MICAL1: variants seen among roughly 807,000 people sequenced by gnomAD.
MICAL1 encodes microtubule associated monooxygenase, calponin and LIM domain containing 1, also known as [F-actin]-monooxygenase MICAL1.
A neutral mutation model predicts 131.8 loss-of-function variants in MICAL1; 95 were observed. The observed-to-expected ratio is 0.72, with a 90% CI of 0.61 to 0.86. MICAL1 has a LOEUF of 0.86. Among genes scored for constraint, MICAL1 ranks in the 40% least tolerant of loss-of-function variants. MICAL1 has a pLI of 0.00. For missense variants in MICAL1, 1,292 were observed against 1,380.6 expected (o/e 0.94, Z 1.02); for synonymous variants, 546 against 554.2 (o/e 0.99, Z 0.21).
rs1775572320 is a variant in MICAL1, at chr6:109,452,255, T to C, written c.823A>G (p.Lys275Glu). ...CAAGAGGGTCCCTGACCTGTGGCTT[T>C]GAGAAGGCTCTGGAAGAAGCTCTGG... ...YNQSFFQSLL[K>E]ATGIDLENIV... Residue 275 changes from lysine to glutamate, a missense_variant, in exon 6 of 25, where the codon AAA (lysine) becomes GAA (glutamate). Physicochemically the swap from Lys to Glu is moderately conservative, Grantham distance 56 (BLOSUM62 1). Transcript: ENST00000358807. The C allele has an allele frequency of 9.9e-6, 16 of 1,612,956 alleles. No homozygotes were observed. The highest frequency in any genetic ancestry group is 1.4e-5 in the Non-Finnish European group (16 of 1,179,304).
rs770905249 is a variant in MICAL1, at chr6:109,452,576, G to C, written c.611C>G (p.Ala204Gly). Residue 204 changes from alanine to glycine, a missense_variant, in exon 5 of 25, where the codon GCC becomes GGC. Transcript: ENST00000358807. ...WRAQLQPNPP[A>G]QLANYEFDVL... ...GTCAAATTCATAGTTGGCCAGCTGG[G>C]CAGGGGGGTTGGGTTGGAGCTGGGC... 2 of 1,613,496 alleles carry C rather than the reference G, an allele frequency of 1.2e-6. No individual in the cohort carries two copies. The highest frequency in any genetic ancestry group is 2.7e-5 in the African/African-American group (2 of 74,910).
chr6:109,452,076 C>G (rs551129677), intron 6 of MICAL1, 170 bp downstream of exon 6: 1 of 1,426,164 alleles, frequency 7.0e-7, no homozygotes, highest in Non-Finnish European at 9.1e-7. Context: ...TCAACTAGGG[C>G]TGTGCTTGCT....
chr6:109,465,542 A>T, intron 1 of MICAL1: 2 of 1,100,778 alleles, frequency 1.8e-6, no homozygotes, highest in Non-Finnish European at 2.6e-6. Flanking sequence ...GTGAACATTT[A>T]AACCTTACAG....
In MICAL1 at chr6:109,465,920, C is replaced by G. The variant is rs2115352900; in HGVS notation, c.-243G>C. On this transcript the variant is annotated 5_prime_UTR_variant, in exon 1 of 25. Coordinates refer to the MICAL1 transcript ENST00000630715. ...GAGTGGGTGGTGGCGGACCAGGCTC[C>G]TGTGTCAGCTGCAGGTGCTGAGCTG... is the stretch of plus-strand genomic sequence containing the variant. The G allele has an allele frequency of 3.7e-6, 6 of 1,614,200 alleles. No individual in the cohort carries two copies. Among genetic ancestry groups the G allele is most frequent in the Non-Finnish European group, 5.1e-6 (6 of 1,180,036 alleles).
intron 3 of MICAL1, 70 bp downstream of exon 3, chr6:109,453,568 A>G: frequency 6.5e-7 from 1 of 1,532,146 alleles, no homozygotes; most frequent in Non-Finnish European, 8.8e-7. Context: ...TGGCTGTCCC[A>G]GCATTTCCCC....
chr6:109,453,536 G>C, intron 3 of MICAL1, 102 bp downstream of exon 3: 1 of 1,512,178 alleles, frequency 6.6e-7, no homozygotes, highest in South Asian at 1.2e-5. Context: ...TGGCTGATAC[G>C]GATCTTGTCC....
At chr6:109,446,632 T>C in intron 18 of MICAL1, 64 bp downstream of exon 18, 1 of 1,547,406 alleles carries the variant, frequency 6.5e-7, no homozygotes, top group Non-Finnish European at 8.9e-7. Context: ...AGCAAAGCGC[T>C]GGTTTGACGA....
Position 109,453,697 on chromosome 6 carries a change from C to T in MICAL1, c.407G>A (p.Arg136Gln), listed in dbSNP as rs769284182. 26 of 1,613,880 alleles carry T rather than the reference C, an allele frequency of 1.6e-5. No individual in the cohort carries two copies. The South Asian group carries it at 1.6e-4, about 10-fold the overall frequency. ...GTAGAACTTCTTAGCACCGAGTGCC[C>T]GCAGGTCGTGGATGGTGAAGGGCCA... ...HLWPFTIHDL[R>Q]ALGAKKFYGR... The change falls in exon 3 of 25, where the codon CGG (arginine) becomes CAG (glutamine). Residue 136 changes from arginine to glutamine, a missense_variant. Coordinates refer to ENST00000358807, the MANE Select transcript of MICAL1 (RefSeq NM_022765.4).
In MICAL1 at chr6:109,445,524, C is replaced by G; in HGVS notation, c.2679G>C (p.Leu893=). The G allele has an allele frequency of 6.2e-7, 1 of 1,614,102 alleles. No individual in the cohort carries two copies. Among genetic ancestry groups the G allele is most frequent in the Non-Finnish European group, 8.5e-7 (1 of 1,180,034 alleles). ...VPLDSDVEQA[L]QTFAKTSGTM... ...TGCCTGAGGTCTTGGCAAAGGTCTG[C>G]AGGGCCTATAGGAGGGTCAGGCCAG... The change falls in exon 21 of 25, where the codon CTG becomes CTC. Residue 893 remains leucine, a synonymous_variant. Coordinates refer to ENST00000358807, the MANE Select transcript of MICAL1 (RefSeq NM_022765.4).
intron 4 of MICAL1, among the ~76,000 whole-genome samples, chr6:109,452,847 A>C (rs1775600938): frequency 6.6e-6 from 1 of 152,198 alleles, no homozygotes; most frequent in South Asian, 2.1e-4. Flanking sequence ...GGCTTGCCCA[A>C]GGCCACACTA....
Position 109,451,666 on chromosome 6 carries a change from G to C in MICAL1, c.867C>G (p.Asp289Glu), listed in dbSNP as rs748032265. The C allele has an allele frequency of 6.8e-6, 11 of 1,614,052 alleles. No individual in the cohort carries two copies. The South Asian group carries it at 9.9e-5, about 14-fold the overall frequency. Residue 289 changes from aspartate to glutamate, a missense_variant, in exon 7 of 25, where the codon GAC (aspartate) becomes GAG (glutamate). Asp to Glu is a conservative substitution (Grantham distance 45). Transcript: ENST00000358807. ...IDLENIVYYKDDTHYFVMTAK... is the reference protein window; with the variant it reads ...IDLENIVYYKEDTHYFVMTAK... ...CTGTCATCACAAAGTAGTGGGTGTC[G>C]TCCTTGTAGTACACAATGTTCTCCA...
chr6:109,453,430 T>C (rs958417890), intron 3 of MICAL1, 63 bp from the exon 4 acceptor site: 22 of 1,558,282 alleles, frequency 1.4e-5, no homozygotes, highest in South Asian at 2.2e-5. Context: ...CATGTACCAG[T>C]GTGTGCCTGG....
In MICAL1 at chr6:109,450,318, C is replaced by G. The variant is rs1398285421; in HGVS notation, c.1173G>C (p.Val391=). 3.7e-6 allele frequency: 6 copies of G among 1,608,200 alleles called. No homozygotes were observed. Among genetic ancestry groups the G allele is most frequent in the Admixed American group, 1.7e-5 (1 of 59,902 alleles). The part of the protein sequence containing the change: ...KHGARLLLGL[V]GDCLVEPFWP... ...CCCTCACCTCCACCAGGCAGTCCCC[C>G]ACCAGTCCCAGCAGCAGGCGGGCGC... The change falls in exon 8 of 25, where the codon GTG becomes GTC. Residue 391 remains valine (V), a synonymous_variant. Coordinates refer to ENST00000358807, the MANE Select transcript of MICAL1 (RefSeq NM_022765.4).
In MICAL1 at chr6:109,449,729, A is replaced by G. The variant is rs201443141; in HGVS notation, c.1362T>C (p.Asn454=). The change falls in exon 10 of 25, where the codon AAT becomes AAC. Residue 454 remains asparagine, a synonymous_variant. Transcript: ENST00000358807. The part of the protein sequence containing the change: ...SQTSPENMHR[N]VAQYGLDPAT... The stretch of plus-strand genomic sequence containing the variant: ...CTGGGTCCAGCCCATACTGGGCCAC[A>G]TTGCGATGCATGTTTTCTGGGGATG... The G allele has an allele frequency of 6.2e-7, 1 of 1,604,010 alleles. No homozygotes were observed. Among genetic ancestry groups the G allele is most frequent in the African/African-American group, 1.3e-5 (1 of 74,834 alleles).
Position 109,453,773 on chromosome 6 carries a change from C to A in MICAL1, c.331G>T (p.Val111Leu). Residue 111 changes from valine to leucine, a missense_variant, in exon 3 of 25, where the codon GTG becomes TTG. Transcript: ENST00000358807. ...VELALLGARV[V>L]LVEKRTKFSR... ...AACTTGGTGCGCTTTTCCACCAGCA[C>A]CACTCGGGCCCCCAGCAGCGCCAGC... 6.2e-7 allele frequency: 1 copy of A among 1,613,696 alleles called. No individual in the cohort carries two copies. The highest frequency in any genetic ancestry group is 8.5e-7 in the Non-Finnish European group (1 of 1,180,008).
upstream of MICAL1, chr6:109,456,119 C>T (rs1476842347): frequency 4.4e-6 from 3 of 678,728 alleles, no homozygotes; most frequent in South Asian, 6.6e-5. Flanking sequence ...AGTGCTGGAC[C>T]GCGCACCCTC....
At position 109,449,725 on chromosome 6, in the gene MICAL1, C is replaced by T; in HGVS notation, c.1366G>A (p.Ala456Thr). ...GTGGCTGGGTCCAGCCCATACTGGG[C>T]CACATTGCGATGCATGTTTTCTGGG... ...TSPENMHRNV[A>T]QYGLDPATRY... The change falls in exon 10 of 25, where the codon GCC becomes ACC. Residue 456 changes from alanine to threonine, a missense_variant. By Grantham distance (58) the Ala-to-Thr change is moderately conservative. Coordinates refer to ENST00000358807, the MANE Select transcript of MICAL1 (RefSeq NM_022765.4). 6.2e-7 allele frequency: 1 copy of T among 1,601,906 alleles called. No homozygotes were observed. Among genetic ancestry groups the T allele is most frequent in the Non-Finnish European group, 8.5e-7 (1 of 1,174,158 alleles).
rs200133887 is a variant in MICAL1, at chr6:109,447,833, C to G, written c.1944+42G>C. ...GATCTCCACTGGGTACCCCCCTGCC[C>G]ACTCCTCCCTGCTCAGCTCCAGCCC... On this transcript the variant is annotated intron_variant, in intron 14 of 24. Transcript: ENST00000358807. 3.1e-6 allele frequency: 5 copies of G among 1,612,096 alleles called. No individual in the cohort carries two copies. The African/African-American group carries it at 4.0e-5, about 13-fold the overall frequency.
At chr6:109,458,250 C>G (rs1040923114), upstream of MICAL1, among the ~76,000 whole-genome samples, 3 of 152,158 alleles carry the variant, frequency 2.0e-5, no homozygotes, top group African/African-American at 7.2e-5. Flanking sequence ...ATCACATTGG[C>G]CAATTCATAT....
Sources: gnomAD v4.1 joint callset for allele counts (sites outside exome capture counted in the v4.1 genomes callset) on GRCh38, gnomAD v4.1.1 for gene constraint, MANE v1.5 for transcripts, NCBI Gene and HGNC (gene_info 2026-07-23, HGNC 2026-07-21) for gene names.